RPS19BP1: variants seen among roughly 807,000 people sequenced by gnomAD.
RPS19BP1 encodes the protein active regulator of SIRT1.
Under a neutral mutation model 16.6 loss-of-function variants are expected in RPS19BP1, and 14 were observed. The ratio of observed to expected loss-of-function variants is 0.84; its 90% CI spans 0.56 to 1.32. The LOEUF (loss-of-function observed/expected upper bound fraction) is 1.32, where lower values mean the gene tolerates loss of function less well. Ranked by LOEUF, RPS19BP1 falls within the 40% of genes most tolerant of loss-of-function variation. RPS19BP1 has a pLI of 0.00. For missense variants in RPS19BP1, 188 were observed against 178.6 expected, an observed-to-expected ratio of 1.05 and a Z score of -0.30; for synonymous variants, 90 against 77.3, an observed-to-expected ratio of 1.16 and a Z score of -0.86.
In RPS19BP1 at chr22:39,529,636, C is replaced by CG. The variant is rs776605615; in HGVS notation, c.280-14dup. ...TCTGGCGCAAAATCTGGCGAGGGTG[C>CG]GGGACCGAGGGCCCATCATTTCAAG... On this transcript the variant is annotated splice_polypyrimidine_tract_variant and intron_variant, in intron 3 of 3. Coordinates refer to ENST00000334678, the MANE Select transcript of RPS19BP1 (RefSeq NM_194326.4). 1.7e-5 allele frequency: 27 copies of CG among 1,613,098 alleles called. No homozygotes were observed. Among genetic ancestry groups the CG allele is most frequent in the Non-Finnish European group, 1.9e-5 (23 of 1,179,892 alleles).
chr22:39,532,301 G>T, intron 2 of RPS19BP1, 94 bp downstream of exon 2: 1 of 1,572,100 alleles, frequency 6.4e-7, no homozygotes, highest in South Asian at 1.1e-5. Flanking sequence ...AGCAATACCG[G>T]GCGAACGCTT....
chr22:39,532,299 C>T (rs1931332008), intron 2 of RPS19BP1, 96 bp downstream of exon 2: 3 of 1,567,342 alleles, frequency 1.9e-6, no homozygotes, highest in East Asian at 4.5e-5. Flanking sequence ...CTAGCAATAC[C>T]GGGCGAACGC....
chr22:39,532,252 G>A lies in RPS19BP1; in HGVS notation c.181+143C>T, dbSNP rs913010411. On this transcript the variant is annotated intron_variant, in intron 2 of 3. Coordinates refer to ENST00000334678, the MANE Select transcript of RPS19BP1 (RefSeq NM_194326.4). Reference sequence around the variant, plus strand: ...GTGGCGTGTTCTGTCACCTTCGTATGTCCAGGGCCCCGCTCCGCGCCTGGC... The same window carrying A: ...GTGGCGTGTTCTGTCACCTTCGTATATCCAGGGCCCCGCTCCGCGCCTGGC... 5 of 1,190,128 alleles carry A rather than the reference G, an allele frequency of 4.2e-6. No individual in the cohort carries two copies. The African/African-American group carries it at 7.7e-5, about 18-fold the overall frequency. 73.7% of individuals were successfully genotyped at this position (1,190,128 alleles called of 1,614,324 possible).
rs770445465 is a variant in RPS19BP1 at position 39,529,837 on chromosome 22, C to A, written c.262G>T (p.Glu88Ter). 6.2e-7 allele frequency: 1 copy of A among 1,614,192 alleles called. No individual in the cohort carries two copies. Among genetic ancestry groups the A allele is most frequent in the East Asian group, 2.2e-5 (1 of 44,888 alleles). ...CGACCAACCTGCTGGCTCACAGACTCAGCCACGGTGCTTCTCGTCCTGGTC... is the reference window on the plus strand; with the variant it reads ...CGACCAACCTGCTGGCTCACAGACTAAGCCACGGTGCTTCTCGTCCTGGTC... ...FLTRTRSTVA[E>*]SVSQQILRQN... is the part of the protein sequence containing the mutation. The change falls in exon 3 of 4, where the codon GAG becomes TAG. Residue 88 changes from glutamate (E) to a stop codon, truncating the protein, a stop_gained. Coordinates refer to ENST00000334678, the MANE Select transcript of RPS19BP1 (RefSeq NM_194326.4). LOFTEE classifies it high-confidence loss of function.
At chr22:39,530,262 C>G in intron 2 of RPS19BP1, 1 of 294,070 alleles carries the variant, frequency 3.4e-6, no homozygotes, top group Non-Finnish European at 6.5e-6. Context: ...AAGGGGAATT[C>G]CAGGGGTGGA....
chr22:39,532,625 C>A (rs1377405635), intron 1 of RPS19BP1, 62 bp downstream of exon 1: 2 of 1,593,194 alleles, frequency 1.3e-6, no homozygotes, highest in African/African-American at 2.7e-5. Flanking sequence ...TCCAGGGCTC[C>A]CGCCCGCAGC....
In RPS19BP1 at chr22:39,532,686, C is replaced by T. The variant is rs1175689802; in HGVS notation, c.52+1G>A. The T allele has an allele frequency of 6.5e-7, 1 of 1,545,310 alleles. No homozygotes were observed. The highest frequency in any genetic ancestry group is 2.4e-5 in the East Asian group (1 of 41,038). Reference sequence around the variant, plus strand: ...GACGTCCCCTGGCCAGCCCTCCTCACCCTCGGACGCCGCCAGCAGCTCCAG... The same window carrying T: ...GACGTCCCCTGGCCAGCCCTCCTCATCCTCGGACGCCGCCAGCAGCTCCAG... On this transcript the variant is annotated splice_donor_variant, in intron 1 of 3. Coordinates refer to ENST00000334678, the MANE Select transcript of RPS19BP1 (RefSeq NM_194326.4). LOFTEE classifies it high-confidence loss of function.
Position 39,532,216 on chromosome 22 carries a change from G to A in RPS19BP1, c.181+179C>T, listed in dbSNP as rs1166928992. The A allele has an allele frequency of 6.7e-6, 5 of 749,706 alleles. No homozygotes were observed. The Admixed American group carries it at 1.2e-4, about 18-fold the overall frequency. 46.4% of individuals were successfully genotyped at this position (749,706 alleles called of 1,614,324 possible). ...TCCCCACTAGGGCCGTAGTCCACGA[G>A]GACCAGGACGGTGGCGTGTTCTGTC... On this transcript the variant is annotated intron_variant, in intron 2 of 3. Transcript: ENST00000334678.
intron 2 of RPS19BP1, chr22:39,532,179 T>C: frequency 1.7e-6 from 1 of 584,708 alleles, no homozygotes; most frequent in Admixed American, 3.3e-5. Flanking sequence ...TTGATATTCT[T>C]TGATGCTTCT....
At chr22:39,530,790 G>A (rs1259995446) in intron 2 of RPS19BP1, 1 of 154,366 alleles carries the variant, frequency 6.5e-6, no homozygotes, top group Non-Finnish European at 1.4e-5. Flanking sequence ...GTGGGTAGCA[G>A]GAAGAGACCA....
rs367727076 is a variant in RPS19BP1, at chr22:39,529,290, C to G, written c.*202G>C. On this transcript the variant is annotated 3_prime_UTR_variant, in exon 4 of 4. Transcript: ENST00000334678. ...TGCCCAGGCCTGCGGAAGCCAGCTC[C>G]GGTCTGTGTGTAAATCCTCCCCAGG... 7.6e-6 allele frequency: 5 copies of G among 660,910 alleles called. No homozygotes were observed. The highest frequency in any genetic ancestry group is 5.6e-5 in the East Asian group (2 of 35,776). 40.9% of individuals were successfully genotyped at this position (660,910 alleles called of 1,614,324 possible).
In RPS19BP1 at chr22:39,529,388, C is replaced by T; in HGVS notation, c.*104G>A. The T allele has an allele frequency of 2.7e-6, 4 of 1,486,568 alleles. No individual in the cohort carries two copies. Among genetic ancestry groups the T allele is most frequent in the East Asian group, 2.4e-5 (1 of 41,806 alleles). 92.1% of individuals were successfully genotyped at this position (1,486,568 alleles called of 1,614,324 possible). ...GCGGCTTCCTCGAGCCAGGCTGGTC[C>T]TGCATCGCCATCTGCTGGCCGCGCG... is the stretch of plus-strand genomic sequence containing the variant. On this transcript the variant is annotated 3_prime_UTR_variant, in exon 4 of 4. Coordinates refer to ENST00000334678, the MANE Select transcript of RPS19BP1 (RefSeq NM_194326.4).
At chr22:39,530,020 C>A in intron 2 of RPS19BP1, 103 bp from the exon 3 acceptor site, 1 of 862,404 alleles carries the variant, frequency 1.2e-6, no homozygotes, top group South Asian at 1.5e-5. Context: ...GTTCCCTTCC[C>A]AGGTTATTAC....
At position 39,529,507 on chromosome 22, in the gene RPS19BP1, T is replaced by C. The variant is rs754782949; in HGVS notation, c.396A>G (p.Glu132=). The change falls in exon 4 of 4, where the codon GAA becomes GAG. Residue 132 remains glutamate (E), a synonymous_variant. Coordinates refer to ENST00000334678, the MANE Select transcript of RPS19BP1 (RefSeq NM_194326.4). ...TCCAGGGAGCCTAGCTGCCGAAGTA[T>C]TCCTGCTGGAACTTCTGGAAGTCTT... The part of the protein sequence containing the change: ...TEEDFQKFQQ[E]YFGS 5 of 1,614,090 alleles carry C rather than the reference T, an allele frequency of 3.1e-6. No individual in the cohort carries two copies. In the African/African-American group the frequency reaches 6.7e-5, roughly 22 times the overall value.
chr22:39,532,618 A>G, intron 1 of RPS19BP1, 69 bp downstream of exon 1: 1 of 1,600,806 alleles, frequency 6.2e-7, no homozygotes, highest in Non-Finnish European at 8.5e-7. Flanking sequence ...TTTTCCATCC[A>G]GGGCTCCCGC....
At position 39,529,348 on chromosome 22, in the gene RPS19BP1, A is replaced by C. The variant is rs916362797; in HGVS notation, c.*144T>G. 31 of 1,129,220 alleles carry C rather than the reference A, an allele frequency of 2.7e-5. No homozygotes were observed. The highest frequency in any genetic ancestry group is 3.9e-5 in the Non-Finnish European group (31 of 800,950). 70.0% of individuals were successfully genotyped at this position (1,129,220 alleles called of 1,614,324 possible). ...GCCCACCAGCTCCATTCCAGCCTCC[A>C]CTCGGCTCAGCTCCGCGGCTTCCTC... On this transcript the variant is annotated 3_prime_UTR_variant, in exon 4 of 4. Coordinates refer to ENST00000334678, the MANE Select transcript of RPS19BP1 (RefSeq NM_194326.4).
intron 2 of RPS19BP1, chr22:39,530,975 A>C (rs947020831): frequency 6.6e-6 from 1 of 152,266 alleles, no homozygotes; most frequent in African/African-American, 2.4e-5. Context: ...GGGCATGTGG[A>C]AGGCAGGAGA....
rs149469257 is a variant in RPS19BP1 at position 39,529,581 on chromosome 22, C to T, written c.322G>A (p.Val108Met). 1 of 1,614,080 alleles carries T rather than the reference C, an allele frequency of 6.2e-7. No individual in the cohort carries two copies. The highest frequency in any genetic ancestry group is 1.3e-5 in the African/African-American group (1 of 74,926). ...NRGRKACDRP[V>M]AKTKKKKAEG... ...GCCTTCTTCTTCTTGGTCTTGGCCA[C>T]AGGCCGGTCACAGGCCTTGCGGCCC... Residue 108 changes from valine to methionine, a missense_variant, in exon 4 of 4, where the codon GTG (valine) becomes ATG (methionine). Physicochemically the swap from Val to Met is conservative, Grantham distance 21. Transcript: ENST00000334678.
intron 2 of RPS19BP1, chr22:39,531,752 G>A (rs1931315031): frequency 6.6e-6 from 1 of 152,430 alleles, no homozygotes; most frequent in Non-Finnish European, 1.5e-5. Context: ...ACCTGGGCAG[G>A]TGCCTTTTTC....
Sources: allele counts gnomAD v4.1 joint callset, GRCh38; gene constraint gnomAD v4.1.1; transcripts MANE v1.5; gene names NCBI Gene and HGNC (gene_info 2026-07-23, HGNC 2026-07-21).